Variants in NYAP2 observed in about 807,000 individuals in gnomAD.
NYAP2 encodes neuronal tyrosine-phosphorylated phosphoinositide-3-kinase adapter 2.
In NYAP2, 23 loss-of-function variants were observed where a neutral mutation model predicts 50.4. The observed-to-expected ratio is 0.46, with a 90% CI of 0.33 to 0.65. The LOEUF is 0.65. NYAP2 is among the 30% of genes least tolerant of loss of function. NYAP2 has a pLI of 0.02. For synonymous variants in NYAP2, 394 were observed against 365.2 expected, an observed-to-expected ratio of 1.08 and a Z score of -0.90; for missense variants, 885 against 861.0, an observed-to-expected ratio of 1.03 and a Z score of -0.35.
At chr2:225,446,216 GTCTC>G (rs1271105292) in intron 3 of NYAP2, among the ~76,000 whole-genome samples, 28 of 69,660 alleles carry the variant, frequency 4.0e-4, no homozygotes, top group Admixed American at 7.2e-4. Context: ...CTGTCTGTCT[GTCTC>G]TCTCTCTCTC....
intron 6 of NYAP2, among the ~76,000 whole-genome samples, chr2:225,637,173 C>T (rs949687017): frequency 6.6e-6 from 1 of 152,138 alleles, no homozygotes; most frequent in Admixed American, 6.5e-5. Flanking sequence ...ACTCGCCTGC[C>T]TTTTCCTTCA....
intron 6 of NYAP2, among the ~76,000 whole-genome samples, chr2:225,627,912 G>A (rs1175916513): frequency 1.3e-5 from 2 of 152,174 alleles, no homozygotes; most frequent in African/African-American, 4.8e-5. Flanking sequence ...AAGAGTGTTA[G>A]AGCTCCAAAG....
intron 3 of NYAP2, among the ~76,000 whole-genome samples, chr2:225,474,583 G>A (rs1471558411): frequency 6.6e-6 from 1 of 152,172 alleles, no homozygotes; most frequent in Non-Finnish European, 1.5e-5. Context: ...TTGTGAATGA[G>A]AATTCATTCA....
intron 3 of NYAP2, among the ~76,000 whole-genome samples, chr2:225,503,998 G>C (rs1172255797): frequency 6.6e-6 from 1 of 152,110 alleles, no homozygotes; most frequent in Non-Finnish European, 1.5e-5. Context: ...TGGTGCTCTA[G>C]GGTGGAAACT....
chr2:225,590,161 T>A (rs1043327868), intron 5 of NYAP2, among the ~76,000 whole-genome samples: 1 of 152,196 alleles, frequency 6.6e-6, no homozygotes, highest in Admixed American at 6.5e-5. Flanking sequence ...TTTTCGGGTC[T>A]CCTGTCCTGC....
intron 4 of NYAP2, among the ~76,000 whole-genome samples, chr2:225,517,061 A>G (rs552721021): frequency 1.1e-4 from 17 of 151,678 alleles, no homozygotes; most frequent in Non-Finnish European, 7.4e-5. Context: ...AAAACTGTTG[A>G]GCACAAACAA....
chr2:225,447,625 TTTAAA>T (rs1394846591), intron 3 of NYAP2, among the ~76,000 whole-genome samples: 5 of 152,306 alleles, frequency 3.3e-5, no homozygotes, highest in African/African-American at 7.2e-5. Flanking sequence ...CTGTCAATTC[TTTAAA>T]TTAATATAGA....
At chr2:225,455,877 A>C (rs150972226) in intron 3 of NYAP2, among the ~76,000 whole-genome samples, 2 of 152,338 alleles carry the variant, frequency 1.3e-5, no homozygotes, top group Non-Finnish European at 2.9e-5. Flanking sequence ...AAGCTCTTAA[A>C]ATGTCAGTGT....
At chr2:225,497,376 T>C (rs1229637497) in intron 3 of NYAP2, among the ~76,000 whole-genome samples, 1 of 152,208 alleles carries the variant, frequency 6.6e-6, no homozygotes, top group Non-Finnish European at 1.5e-5. Context: ...AGTAGCGTCT[T>C]TAGTGATTCA....
intron 6 of NYAP2, among the ~76,000 whole-genome samples, chr2:225,635,773 C>A (rs1431155164): frequency 6.6e-6 from 1 of 152,126 alleles, no homozygotes; most frequent in Admixed American, 6.6e-5. Flanking sequence ...AGGGGCAGGT[C>A]TTAAGACTTG....
intron 3 of NYAP2, among the ~76,000 whole-genome samples, chr2:225,469,257 G>GA (rs1482914367): frequency 3.9e-5 from 6 of 152,084 alleles, no homozygotes; most frequent in African/African-American, 1.4e-4. Context: ...ACAAACATAT[G>GA]AAAAAATGCT....
At chr2:225,427,310 A>T (rs1180416700) in intron 3 of NYAP2, among the ~76,000 whole-genome samples, 2 of 152,242 alleles carry the variant, frequency 1.3e-5, no homozygotes, top group Non-Finnish European at 2.9e-5. Flanking sequence ...ACTAAGTGAG[A>T]TACAAATAAT....
At chr2:225,540,119 A>G (rs1471850957) in intron 4 of NYAP2, among the ~76,000 whole-genome samples, 1 of 152,180 alleles carries the variant, frequency 6.6e-6, no homozygotes, top group African/African-American at 2.4e-5. Flanking sequence ...ATTTTTGTCA[A>G]AGCCATTCAA....
chr2:225,480,854 A>G (rs1407691602), intron 3 of NYAP2, among the ~76,000 whole-genome samples: 2 of 152,158 alleles, frequency 1.3e-5, no homozygotes, highest in Non-Finnish European at 2.9e-5. Flanking sequence ...TAGTTGCTAT[A>G]CTTTAGTCCA....
chr2:225,508,794 A>G (rs1690757728), intron 3 of NYAP2, among the ~76,000 whole-genome samples: 1 of 152,226 alleles, frequency 6.6e-6, no homozygotes, highest in South Asian at 2.1e-4. Context: ...CTGCCCATGG[A>G]CAACATAGCC....
chr2:225,474,485 T>C (rs1363351556), intron 3 of NYAP2, among the ~76,000 whole-genome samples: 2 of 152,222 alleles, frequency 1.3e-5, no homozygotes, highest in Non-Finnish European at 1.5e-5. Flanking sequence ...TTTTATTTCG[T>C]TGAGCAGTGG....
chr2:225,513,738 C>A, intron 4 of NYAP2, 66 bp downstream of exon 4: 1 of 1,312,670 alleles, frequency 7.6e-7, no homozygotes, highest in Admixed American at 3.0e-5. Context: ...GTCAGCATGC[C>A]CAGGGGCAAG....
chr2:225,651,290 C>A (rs536546177), intron 6 of NYAP2, 142 bp from the exon 7 acceptor site: 77 of 1,104,272 alleles, frequency 7.0e-5, no homozygotes, highest in Admixed American at 3.1e-4. Flanking sequence ...AGTGTTTTAT[C>A]ACCTGCTACT....
At chr2:225,617,203 G>C (rs1693004460) in intron 5 of NYAP2, among the ~76,000 whole-genome samples, 1 of 152,170 alleles carries the variant, frequency 6.6e-6, no homozygotes, top group Non-Finnish European at 1.5e-5. Flanking sequence ...AAGGCAGGTA[G>C]ATCTCTTGAG....
Sources: allele counts gnomAD v4.1 joint callset (sites outside exome capture counted in the v4.1 genomes callset), GRCh38; gene constraint gnomAD v4.1.1; transcripts MANE v1.5; gene names NCBI Gene and HGNC (gene_info 2026-07-23, HGNC 2026-07-21).